FOXJ3: variants seen among roughly 807,000 people sequenced by gnomAD.
FOXJ3 encodes the protein forkhead box J3.
A neutral mutation model predicts 76.1 loss-of-function variants in FOXJ3; 22 were observed. That is an observed-to-expected ratio of 0.29 (90% CI 0.21 to 0.41). The LOEUF (loss-of-function observed/expected upper bound fraction) is 0.41. FOXJ3 is among the 10% of genes least tolerant of loss of function. The pLI, the probability that FOXJ3 is intolerant of heterozygous loss-of-function variation, is 1.00. For missense variants in FOXJ3, 613 were observed against 762.1 expected, an observed-to-expected ratio of 0.80 and a Z score of 2.30; for synonymous variants, 269 against 261.2, an observed-to-expected ratio of 1.03 and a Z score of -0.29.
intron 4 of FOXJ3, among the ~76,000 whole-genome samples, chr1:42,248,402 C>T (rs573449077): frequency 3.9e-5 from 6 of 151,954 alleles, no homozygotes; most frequent in East Asian, 3.9e-4. Context: ...GGCGTGGTGG[C>T]GGGCACCTGT....
At chr1:42,324,878 C>T (rs532133072) in intron 1 of FOXJ3, among the ~76,000 whole-genome samples, 11 of 152,158 alleles carry the variant, frequency 7.2e-5, no homozygotes, top group Non-Finnish European at 1.3e-4. Flanking sequence ...CTGTACACTA[C>T]TGTAGACTTT....
chr1:42,195,244 G>T (rs997820092), intron 7 of FOXJ3, among the ~76,000 whole-genome samples, 180 bp from the exon 8 acceptor site: 1 of 152,170 alleles, frequency 6.6e-6, no homozygotes, highest in African/African-American at 2.4e-5. Context: ...CAGCTAAACT[G>T]AATCTTGAAG....
intron 4 of FOXJ3, among the ~76,000 whole-genome samples, chr1:42,263,897 G>A (rs1651255120): frequency 7.1e-6 from 1 of 141,540 alleles, no homozygotes; most frequent in African/African-American, 2.6e-5. Flanking sequence ...CTAACAAAGA[G>A]CTTGAAAAAA....
At chr1:42,269,784 T>C (rs944784134) in intron 3 of FOXJ3, among the ~76,000 whole-genome samples, 1 of 152,098 alleles carries the variant, frequency 6.6e-6, no homozygotes, top group Non-Finnish European at 1.5e-5. Context: ...AACAAATCTA[T>C]CACTAAATCT....
At chr1:42,302,422 A>G (rs1412304091) in intron 2 of FOXJ3, among the ~76,000 whole-genome samples, 1 of 152,264 alleles carries the variant, frequency 6.6e-6, no homozygotes, top group Non-Finnish European at 1.5e-5. Flanking sequence ...GCCCTGGAGC[A>G]GGAGACCAAG....
chr1:42,271,628 G>T (rs939790553), intron 3 of FOXJ3, among the ~76,000 whole-genome samples: 1 of 151,908 alleles, frequency 6.6e-6, no homozygotes, highest in East Asian at 1.9e-4. Context: ...TTTCCTCAAA[G>T]TGAATACCAT....
At chr1:42,248,342 C>T (rs1002046852) in intron 4 of FOXJ3, among the ~76,000 whole-genome samples, 2 of 151,802 alleles carry the variant, frequency 1.3e-5, no homozygotes, top group African/African-American at 2.4e-5. Flanking sequence ...AGACCAACCT[C>T]GCTAACACTG....
chr1:42,244,257 C>A (rs1247493289), intron 4 of FOXJ3, among the ~76,000 whole-genome samples: 1 of 152,150 alleles, frequency 6.6e-6, no homozygotes, highest in East Asian at 1.9e-4. Context: ...TAACAATGCA[C>A]TTCAAGAACC....
chr1:42,245,876 C>T (rs1649511887), intron 4 of FOXJ3, among the ~76,000 whole-genome samples: 1 of 152,122 alleles, frequency 6.6e-6, no homozygotes, highest in Non-Finnish European at 1.5e-5. Flanking sequence ...GGCAAATTGT[C>T]CCTCTTTGCA....
chr1:42,252,016 C>T (rs1474592979), intron 4 of FOXJ3, among the ~76,000 whole-genome samples: 2 of 152,120 alleles, frequency 1.3e-5, no homozygotes, highest in African/African-American at 2.4e-5. Context: ...CGCGCCCGGC[C>T]GGTTTGCCAG....
chr1:42,325,615 G>C (rs1033909053), intron 1 of FOXJ3, among the ~76,000 whole-genome samples: 23 of 152,280 alleles, frequency 1.5e-4, no homozygotes, highest in African/African-American at 5.3e-4. Context: ...CCTTAAAGAA[G>C]CACTAACAAT....
chr1:42,223,436 C>G (rs1002409113), intron 5 of FOXJ3, among the ~76,000 whole-genome samples: 1 of 152,188 alleles, frequency 6.6e-6, no homozygotes, highest in Admixed American at 6.5e-5. Context: ...TATCCACACT[C>G]CAGCCTAAGT....
chr1:42,321,761 T>G (rs757190590), intron 1 of FOXJ3, among the ~76,000 whole-genome samples: 1 of 151,980 alleles, frequency 6.6e-6, no homozygotes, highest in Non-Finnish European at 1.5e-5. Flanking sequence ...AAGAACTGAG[T>G]GACAGGCCAA....
At chr1:42,272,190 C>T (rs1651913276) in intron 3 of FOXJ3, among the ~76,000 whole-genome samples, 1 of 152,190 alleles carries the variant, frequency 6.6e-6, no homozygotes, top group African/African-American at 2.4e-5. Flanking sequence ...TAAGGTCTTT[C>T]TCCAAACCTC....
At chr1:42,333,767 A>T (rs1287361585) in intron 1 of FOXJ3, among the ~76,000 whole-genome samples, 1 of 152,216 alleles carries the variant, frequency 6.6e-6, no homozygotes, top group Non-Finnish European at 1.5e-5. Context: ...TCAAAAAAAG[A>T]GTGTGCAATG....
chr1:42,305,548 G>A (rs1216895919), intron 2 of FOXJ3, among the ~76,000 whole-genome samples: 1 of 152,122 alleles, frequency 6.6e-6, no homozygotes, highest in Non-Finnish European at 1.5e-5. Flanking sequence ...ATATATACAC[G>A]AGATCCTGTC....
intron 1 of FOXJ3, among the ~76,000 whole-genome samples, chr1:42,312,490 C>T (rs1214078610): frequency 3.3e-5 from 5 of 152,202 alleles, no homozygotes; most frequent in Admixed American, 1.3e-4. Flanking sequence ...TGAAGAGAGA[C>T]GCAGATAGAC....
At chr1:42,221,364 G>A (rs1052014755) in intron 5 of FOXJ3, among the ~76,000 whole-genome samples, 1 of 152,154 alleles carries the variant, frequency 6.6e-6, no homozygotes, top group African/African-American at 2.4e-5. Flanking sequence ...AGTTAAAAAG[G>A]GGGTTGGGGG....
At chr1:42,240,704 A>G (rs343375) in intron 4 of FOXJ3, among the ~76,000 whole-genome samples, 106,505 of 152,114 alleles carry the variant, frequency 0.7, 38,027 homozygotes, top group Admixed American at 0.8. Flanking sequence ...CACGTAAAAA[A>G]TAATCAAAAT....
Sources: gnomAD v4.1 joint callset for allele counts (sites outside exome capture counted in the v4.1 genomes callset) on GRCh38, gnomAD v4.1.1 for gene constraint, MANE v1.5 for transcripts, NCBI Gene and HGNC (gene_info 2026-07-23, HGNC 2026-07-21) for gene names.